CYP20A1: variants seen among roughly 807,000 people sequenced by gnomAD.
CYP20A1 encodes the protein cytochrome P450 family 20 subfamily A member 1, also known as cytochrome P450 20A1.
CYP20A1 carries 61 observed loss-of-function variants against 61.4 expected under a neutral mutation model. The observed-to-expected ratio is 0.99, with a 90% CI of 0.81 to 1.23. CYP20A1 has a LOEUF of 1.23. Among genes scored for constraint, CYP20A1 ranks in the 50% most tolerant of loss-of-function variants. The pLI, the probability that CYP20A1 is intolerant of heterozygous loss-of-function variation, is 0.00. For missense variants in CYP20A1, 530 were observed against 542.4 expected (o/e 0.98, Z 0.23); for synonymous variants, 193 against 188.2 (o/e 1.03, Z -0.21).
rs1259249220 is a variant in CYP20A1, at chr2:203,272,725, C to T, written c.656C>T (p.Thr219Ile). 5 of 1,602,652 alleles carry T rather than the reference C, an allele frequency of 3.1e-6. No homozygotes were observed. The highest frequency in any genetic ancestry group is 3.4e-6 in the Non-Finnish European group (4 of 1,176,470). ...GATGGGTCACTTGATAAAAACATGA[C>T]TCGGAAAAAACAATATGAAGATGGT... ...FLDGSLDKNM[T>I]RKKQYEDALM... Residue 219 changes from threonine (T) to isoleucine (I), a missense_variant, in exon 6 of 13, where the codon ACT becomes ATT. Physicochemically the swap from Thr to Ile is moderately conservative, Grantham distance 89. Transcript: ENST00000356079.
intron 4 of CYP20A1, among the ~76,000 whole-genome samples, chr2:203,258,251 T>G (rs575269929): frequency 1.3e-5 from 2 of 152,338 alleles, no homozygotes; most frequent in East Asian, 3.9e-4. Context: ...CTGGGCATAG[T>G]GGCACATGCC....
intron 1 of CYP20A1, among the ~76,000 whole-genome samples, chr2:203,243,932 G>A (rs190714332): frequency 4.6e-5 from 7 of 151,018 alleles, no homozygotes; most frequent in Middle Eastern, 3.2e-3. Flanking sequence ...TCAAATGATC[G>A]TCCTGCCTTG....
intron 4 of CYP20A1, among the ~76,000 whole-genome samples, chr2:203,258,258 T>C (rs2066997748): frequency 6.6e-6 from 1 of 152,180 alleles, no homozygotes; most frequent in African/African-American, 2.4e-5. Context: ...TAGTGGCACA[T>C]GCCTGTATTC....
chr2:203,263,055 C>T lies in CYP20A1; in HGVS notation c.433-3459C>T, dbSNP rs572608216. On this transcript the variant is annotated intron_variant, in intron 4 of 12. Transcript: ENST00000356079. ...TGTCCCCCAGGCTGGAGTGCAGTGG[C>T]GCGGCTCACTGCAACCTCCGCCTCC... is the stretch of plus-strand genomic sequence containing the variant. 4.0e-5 allele frequency among the ~76,000 whole-genome samples: 6 copies of T among 151,678 alleles called. No individual in the cohort carries two copies. The South Asian group carries it at 1.0e-3, about 26-fold the overall frequency.
intron 4 of CYP20A1, among the ~76,000 whole-genome samples, chr2:203,255,504 T>C (rs1305997700): frequency 6.6e-6 from 1 of 152,184 alleles, no homozygotes; most frequent in African/African-American, 2.4e-5. Context: ...TACTCACAAT[T>C]GAAGGAAATG....
At chr2:203,290,483 A>C (rs1049823395) in intron 10 of CYP20A1, among the ~76,000 whole-genome samples, 1 of 152,092 alleles carries the variant, frequency 6.6e-6, no homozygotes, top group Non-Finnish European at 1.5e-5. Context: ...ATATGTATTA[A>C]ACAATTTATA....
At position 203,298,710 on chromosome 2, in the gene CYP20A1, A is replaced by G. The variant is rs185688959; in HGVS notation, c.*1802A>G. On this transcript the variant is annotated 3_prime_UTR_variant, in exon 13 of 13. Coordinates refer to ENST00000356079, the MANE Select transcript of CYP20A1 (RefSeq NM_177538.3). ...GTGAAACTCATTCTCAAAAAAAAAA[A>G]AAAAAGGAGGTGGGGAGAGCTATTT... Among the ~76,000 whole-genome samples, 1,454 of 151,002 alleles carry G rather than the reference A, an allele frequency of 9.6e-3. 30 individuals are homozygous for G. Among genetic ancestry groups the G allele is most frequent in the South Asian group, 0.057 (272 of 4,770 alleles).
chr2:203,294,698 A>G (rs1325293850), intron 11 of CYP20A1, among the ~76,000 whole-genome samples: 1 of 149,714 alleles, frequency 6.7e-6, no homozygotes. Context: ...GCAGTGGTGC[A>G]ATCTTGGCTC....
intron 5 of CYP20A1, 120 bp from the exon 6 acceptor site, chr2:203,272,550 C>CAA (rs368688435): frequency 0.59 from 77,826 of 131,856 alleles, 25,789 homozygotes; most frequent in Admixed American, 0.71. Flanking sequence ...AACCCTGACT[C>CAA]AAAAAAAAAA....
At position 203,300,697 on chromosome 2, in the gene CYP20A1, C is replaced by A. The variant is rs1440972980; in HGVS notation, c.*3789C>A. 1.3e-5 allele frequency among the ~76,000 whole-genome samples: 2 copies of A among 151,636 alleles called. No individual in the cohort carries two copies. The highest frequency in any genetic ancestry group is 4.9e-5 in the African/African-American group (2 of 41,218). On this transcript the variant is annotated 3_prime_UTR_variant, in exon 13 of 13. Coordinates refer to ENST00000356079, the MANE Select transcript of CYP20A1 (RefSeq NM_177538.3). ...CTGAGGTTGGGAGTTTGAGACCAGC[C>A]TGACCAACATGGAGAAACCCTGTCT... is the stretch of plus-strand genomic sequence containing the variant.
chr2:203,270,415 G>T (rs2067516753), intron 5 of CYP20A1, among the ~76,000 whole-genome samples: 1 of 151,840 alleles, frequency 6.6e-6, no homozygotes, highest in African/African-American at 2.4e-5. Flanking sequence ...TTGGGCTCAG[G>T]GGATCCTCTG....
At chr2:203,259,486 G>C (rs2067046946) in intron 4 of CYP20A1, 1 of 152,096 alleles carries the variant, frequency 6.6e-6, no homozygotes. Flanking sequence ...TCCTGCTTTT[G>C]CCATGTGACC....
At chr2:203,264,860 G>A (rs1022427494) in intron 4 of CYP20A1, among the ~76,000 whole-genome samples, 1 of 152,158 alleles carries the variant, frequency 6.6e-6, no homozygotes, top group African/African-American at 2.4e-5. Flanking sequence ...CTCCCAAGTA[G>A]CTGGGACTAC....
intron 11 of CYP20A1, among the ~76,000 whole-genome samples, chr2:203,294,638 G>T (rs1040216479): frequency 1.3e-5 from 2 of 151,910 alleles, no homozygotes; most frequent in Admixed American, 6.6e-5. Context: ...GAGAAGCAAC[G>T]TGTATCTTTT....
intron 8 of CYP20A1, 67 bp from the exon 9 acceptor site, chr2:203,285,545 T>G: frequency 7.1e-7 from 1 of 1,416,076 alleles, no homozygotes; most frequent in Non-Finnish European, 9.2e-7. Context: ...AAGTAGTTTT[T>G]TTCTTATTCT....
rs1258001691 is a variant in CYP20A1, at chr2:203,300,657, A to G, written c.*3749A>G. 1.3e-5 allele frequency among the ~76,000 whole-genome samples: 2 copies of G among 152,136 alleles called. No homozygotes were observed. The highest frequency in any genetic ancestry group is 4.8e-5 in the African/African-American group (2 of 41,438). On this transcript the variant is annotated 3_prime_UTR_variant, in exon 13 of 13. Coordinates refer to ENST00000356079, the MANE Select transcript of CYP20A1 (RefSeq NM_177538.3). ...GTAATCCCAGCTCTTTGGGAGGCCA[A>G]GGCGGGTAAATCACCTGAGGTTGGG...
Position 203,239,270 on chromosome 2 carries a change from A to G in CYP20A1, c.72+136A>G, listed in dbSNP as rs930701155. 225 of 736,784 alleles carry G rather than the reference A, an allele frequency of 3.1e-4. 2 individuals carry two copies. In the African/African-American group the frequency reaches 3.6e-3, roughly 12 times the overall value. 45.6% of individuals were successfully genotyped at this position (736,784 alleles called of 1,614,324 possible). ...GGGTTCGGGTTCGCTCCAGAGCTTC[A>G]GCGCGGGGACCGCACCCGGAGTCAC... On this transcript the variant is annotated intron_variant, in intron 1 of 12. Transcript: ENST00000356079.
chr2:203,294,219 G>T (rs2068673694), intron 11 of CYP20A1, among the ~76,000 whole-genome samples: 3 of 151,512 alleles, frequency 2.0e-5, no homozygotes, highest in Admixed American at 2.0e-4. Context: ...CTATTGCCAG[G>T]CTGGTCTTGG....
At chr2:203,241,891 G>A (rs2066266971) in intron 1 of CYP20A1, among the ~76,000 whole-genome samples, 1 of 152,032 alleles carries the variant, frequency 6.6e-6, no homozygotes, top group Admixed American at 6.6e-5. Flanking sequence ...GCCCAGGCTG[G>A]AGTGCAGTGG....
Sources: allele counts gnomAD v4.1 joint callset (sites outside exome capture counted in the v4.1 genomes callset), GRCh38; gene constraint gnomAD v4.1.1; transcripts MANE v1.5; gene names NCBI Gene and HGNC (gene_info 2026-07-23, HGNC 2026-07-21).